The following ZNF83 variants were observed in gnomAD, a reference collection of about 807,000 sequenced individuals.
ZNF83 encodes zinc finger protein 816B.
For synonymous variants in ZNF83, 209 were observed against 213.0 expected, an observed-to-expected ratio of 0.98 and a Z score of 0.17; for missense variants, 552 against 629.9, an observed-to-expected ratio of 0.88 and a Z score of 1.32.
chr19:52,687,846 A>G (rs1166488696), intron 1 of ZNF83, among the ~76,000 whole-genome samples: 2 of 150,248 alleles, frequency 1.3e-5, no homozygotes, highest in African/African-American at 2.4e-5. Flanking sequence ...TAATTAAATT[A>G]AAAGTATTGT....
At chr19:52,653,861 G>C (rs1311978097) in intron 3 of ZNF83, among the ~76,000 whole-genome samples, 3 of 152,126 alleles carry the variant, frequency 2.0e-5, no homozygotes, top group Admixed American at 6.5e-5. Context: ...CTTCTTAAAT[G>C]TGAGCTATAA....
chr19:52,678,899 C>A (rs2061862574), intron 1 of ZNF83, among the ~76,000 whole-genome samples: 1 of 151,114 alleles, frequency 6.6e-6, no homozygotes, highest in South Asian at 2.1e-4. Flanking sequence ...CACTTGAACC[C>A]AGGAGGCCAA....
chr19:52,630,557 C>G (rs962075625), intron 2 of ZNF83, among the ~76,000 whole-genome samples: 4 of 152,108 alleles, frequency 2.6e-5, no homozygotes, highest in Admixed American at 2.0e-4. Context: ...ACCAAATTAT[C>G]TGCTTCCCTG....
chr19:52,654,268 T>C (rs185747005), intron 3 of ZNF83: 12 of 1,558,288 alleles, frequency 7.7e-6, no homozygotes, highest in Non-Finnish European at 9.7e-6. Context: ...GTCATGAATA[T>C]CTTTCTTGAT....
chr19:52,618,266 GTTT>G (rs967173798), intron 2 of ZNF83, among the ~76,000 whole-genome samples: 7 of 142,026 alleles, frequency 4.9e-5, no homozygotes, highest in African/African-American at 1.8e-4. Flanking sequence ...TAATTTTTGT[GTTT>G]TTTTTTTTTT....
At chr19:52,658,414 C>A (rs934078719) in intron 2 of ZNF83, among the ~76,000 whole-genome samples, 2 of 151,892 alleles carry the variant, frequency 1.3e-5, no homozygotes, top group African/African-American at 4.8e-5. Flanking sequence ...AAAAATACAA[C>A]AATTAGCCAG....
intron 3 of ZNF83, chr19:52,651,014 C>A (rs957469496): frequency 6.6e-6 from 1 of 152,146 alleles, no homozygotes; most frequent in Admixed American, 6.5e-5. Context: ...GGTTTAAAAC[C>A]TCTAATTGAG....
At chr19:52,687,614 G>GTATATATATATATATATATAA (rs1437771631) in intron 1 of ZNF83, among the ~76,000 whole-genome samples, 1 of 11,628 alleles carries the variant, frequency 8.6e-5, no homozygotes, top group Admixed American at 8.2e-4. Context: ...TATATATAAT[G>GTATATATATATATATATATAA]TGTATATATA....
At chr19:52,680,243 A>G (rs1444567502) in intron 1 of ZNF83, among the ~76,000 whole-genome samples, 1 of 152,158 alleles carries the variant, frequency 6.6e-6, no homozygotes, top group Non-Finnish European at 1.5e-5. Flanking sequence ...AACCAGGCAG[A>G]GCCAAGATAG....
chr19:52,643,154 G>C (rs895349249), upstream of ZNF83, among the ~76,000 whole-genome samples: 3 of 143,070 alleles, frequency 2.1e-5, no homozygotes, highest in African/African-American at 8.1e-5. Context: ...CTCCAGCTGG[G>C]CGACAGAGTG....
intron 2 of ZNF83, chr19:52,660,756 CT>C: frequency 4.7e-6 from 1 of 210,798 alleles, no homozygotes. Context: ...AGGAATATCA[CT>C]TTACCTGAGG....
chr19:52,652,274 A>G (rs2061451780), intron 3 of ZNF83: 1 of 238,402 alleles, frequency 4.2e-6, no homozygotes, highest in Non-Finnish European at 8.3e-6. Context: ...TGTCTCTACT[A>G]AAAACATAAA....
intron 2 of ZNF83, among the ~76,000 whole-genome samples, chr19:52,623,344 T>A (rs1301084589): frequency 6.6e-6 from 1 of 152,132 alleles, no homozygotes; most frequent in Admixed American, 6.5e-5. Context: ...CCACTCCACA[T>A]TACCTTCTTT....
Position 52,613,078 on chromosome 19 carries a change from T to C in ZNF83, c.1487A>G (p.Asp496Gly), listed in dbSNP as rs114253858. The C allele has an allele frequency of 1.1e-3, 1,799 of 1,613,270 alleles. 17 individuals are homozygous for C. The African/African-American group carries it at 0.018, about 16-fold the overall frequency. ...CTGATGACGTACAAGATATGAATTG[T>C]CGCGGAAGAGTTTGCCACATTCATT... The change falls in exon 3 of 3, where the codon GAC becomes GGC. Residue 496 changes from aspartate (D) to glycine (G), a missense_variant. Physicochemically the swap from Asp to Gly is moderately conservative, Grantham distance 94. Coordinates refer to ENST00000301096, the Ensembl canonical transcript of ZNF83.
intron 2 of ZNF83, among the ~76,000 whole-genome samples, chr19:52,622,026 G>C (rs2060568868): frequency 6.6e-6 from 1 of 151,674 alleles, no homozygotes; most frequent in Admixed American, 6.6e-5. Context: ...CTTTTCTGAA[G>C]ACCCCTCTTA....
chr19:52,682,624 C>T (rs1305874302), intron 1 of ZNF83, among the ~76,000 whole-genome samples: 4 of 151,924 alleles, frequency 2.6e-5, no homozygotes, highest in South Asian at 4.2e-4. Context: ...GCTGAGATTG[C>T]ACCACTGCTC....
At chr19:52,675,765 G>C (rs7507625) in intron 1 of ZNF83, among the ~76,000 whole-genome samples, 19,957 of 152,224 alleles carry the variant, frequency 0.13, 1,387 homozygotes, top group African/African-American at 0.14. Context: ...GTGCATGCAT[G>C]TCTGTGGGAA....
At chr19:52,640,464 T>C (rs550842818), upstream of ZNF83, among the ~76,000 whole-genome samples, 1 of 152,210 alleles carries the variant, frequency 6.6e-6, no homozygotes, top group Non-Finnish European at 1.5e-5. Flanking sequence ...CCATAAGAAG[T>C]AACAATGATC....
chr19:52,683,645 G>A (rs1387093483), intron 1 of ZNF83, among the ~76,000 whole-genome samples: 2 of 152,188 alleles, frequency 1.3e-5, no homozygotes, highest in African/African-American at 4.8e-5. Context: ...AGATGCCTCA[G>A]GACTGGCTGA....
Sources: gnomAD v4.1 joint callset for allele counts (sites outside exome capture counted in the v4.1 genomes callset) on GRCh38, gnomAD v4.1.1 for gene constraint, MANE v1.5 for transcripts, NCBI Gene and HGNC (gene_info 2026-07-23, HGNC 2026-07-21) for gene names.